The following CLIP4 variants were observed in gnomAD, a reference collection of about 807,000 sequenced individuals.
CLIP4 encodes CAP-Gly domain-containing linker protein 4.
A neutral mutation model predicts 73.1 loss-of-function variants in CLIP4; 47 were observed. The ratio of observed to expected loss-of-function variants is 0.64; its 90% CI spans 0.51 to 0.82. The LOEUF (loss-of-function observed/expected upper bound fraction) is 0.82. Ranked by LOEUF, CLIP4 falls within the 40% of genes least tolerant of loss-of-function variation. CLIP4 has a pLI of 0.00. For synonymous variants in CLIP4, 306 were observed against 295.4 expected (o/e 1.04, Z -0.37); for missense variants, 874 against 852.9 (o/e 1.02, Z -0.31).
At chr2:29,177,570 C>A (rs1411118918) in intron 15 of CLIP4, among the ~76,000 whole-genome samples, 1 of 151,678 alleles carries the variant, frequency 6.6e-6, no homozygotes, top group Non-Finnish European at 1.5e-5. Context: ...GACAGCAAGA[C>A]TCTGTTTCAA....
Position 29,181,836 on chromosome 2 carries a change from G to T in CLIP4, c.2061G>T (p.Pro687=). ...CGAACCATGGAGTCTTAGTTCGACC[G>T]AGCAGAGTGACCTATCGGGGAATTA... The part of the protein sequence containing the change: ...CKPNHGVLVR[P]SRVTYRGING... Residue 687 remains proline, a synonymous_variant, in exon 16 of 16, where the codon CCG becomes CCT. Transcript: ENST00000320081. The T allele has an allele frequency of 6.2e-7, 1 of 1,614,114 alleles. No homozygotes were observed. The highest frequency in any genetic ancestry group is 8.5e-7 in the Non-Finnish European group (1 of 1,179,976).
At chr2:29,131,891 G>T in intron 3 of CLIP4, 1 of 422,614 alleles carries the variant, frequency 2.4e-6, no homozygotes, top group Non-Finnish European at 4.2e-6. Flanking sequence ...GCTCATTTTT[G>T]AGAGGAACAT....
At chr2:29,108,473 G>A (rs1430102184) in intron 1 of CLIP4, among the ~76,000 whole-genome samples, 1 of 152,088 alleles carries the variant, frequency 6.6e-6, no homozygotes, top group Non-Finnish European at 1.5e-5. Flanking sequence ...TACTCAGAAT[G>A]GTGTGCAATT....
intron 1 of CLIP4, among the ~76,000 whole-genome samples, chr2:29,105,208 G>C (rs971131135): frequency 2.0e-5 from 3 of 152,156 alleles, no homozygotes; most frequent in Non-Finnish European, 4.4e-5. Context: ...ATGCCGGTTG[G>C]TGTTGAGCAC....
chr2:29,143,214 G>A (rs187552009), intron 6 of CLIP4, among the ~76,000 whole-genome samples: 3 of 152,206 alleles, frequency 2.0e-5, no homozygotes, highest in Admixed American at 1.3e-4. Context: ...CTCCGTTTAG[G>A]ACCTGAGCAC....
chr2:29,161,077 C>T (rs537955498), intron 12 of CLIP4, among the ~76,000 whole-genome samples: 25 of 152,234 alleles, frequency 1.6e-4, no homozygotes, highest in East Asian at 1.2e-3. Flanking sequence ...TGGGTTCAAG[C>T]GGTTCTCCTG....
intron 1 of CLIP4, among the ~76,000 whole-genome samples, chr2:29,108,062 A>G (rs1277709856): frequency 6.6e-6 from 1 of 152,060 alleles, no homozygotes; most frequent in Non-Finnish European, 1.5e-5. Flanking sequence ...AAAGAATAAT[A>G]TACAGTAGTT....
chr2:29,136,257 G>A (rs1027990432), intron 6 of CLIP4, among the ~76,000 whole-genome samples: 6 of 151,602 alleles, frequency 4.0e-5, no homozygotes, highest in Admixed American at 1.3e-4. Context: ...GCTCTGGCAG[G>A]TATTCTTAAT....
chr2:29,149,674 G>C (rs1666415442), intron 8 of CLIP4, among the ~76,000 whole-genome samples: 1 of 150,358 alleles, frequency 6.7e-6, no homozygotes, highest in Admixed American at 6.6e-5. Flanking sequence ...CATATGCTAT[G>C]CATCCAGTCA....
chr2:29,102,297 T>C (rs1269736333), intron 1 of CLIP4, among the ~76,000 whole-genome samples: 1 of 152,310 alleles, frequency 6.6e-6, no homozygotes, highest in East Asian at 1.9e-4. Context: ...ATTCAGGTCA[T>C]CAATGAGACT....
chr2:29,163,891 G>A lies in CLIP4; in HGVS notation c.1595G>A (p.Gly532Asp). 1.2e-6 allele frequency: 2 copies of A among 1,613,498 alleles called. No homozygotes were observed. Among genetic ancestry groups the A allele is most frequent in the Non-Finnish European group, 1.7e-6 (2 of 1,179,450 alleles). The change falls in exon 13 of 16, where the codon GGT becomes GAT. Residue 532 changes from glycine (G) to aspartate (D), a missense_variant. Gly to Asp is a moderately conservative substitution (Grantham distance 94, BLOSUM62 -1). Transcript: ENST00000320081. ...GGCAAGAATGATGGTTCAGTTGGAG[G>A]TGTGCAGTATTTTAGCTGTTCTCCA... ...PHGKNDGSVG[G>D]VQYFSCSPRY...
At chr2:29,099,352 C>T (rs936647362) in intron 1 of CLIP4, among the ~76,000 whole-genome samples, 12 of 152,144 alleles carry the variant, frequency 7.9e-5, no homozygotes, top group African/African-American at 2.7e-4. Flanking sequence ...ACGTTTATGT[C>T]CACGATCCAT....
Position 29,181,566 on chromosome 2 carries a change from G to C in CLIP4, c.1797-6G>C, listed in dbSNP as rs200936509. 13 of 1,596,178 alleles carry C rather than the reference G, an allele frequency of 8.1e-6. No individual in the cohort carries two copies. In the East Asian group the frequency reaches 2.9e-4, roughly 36 times the overall value. On this transcript the variant is annotated splice_polypyrimidine_tract_variant and splice_region_variant and intron_variant, in intron 15 of 15. Transcript: ENST00000320081. ...ATAATTTTTCCCACTTTTCCCTTCC[G>C]CACAGATCGAAAGCTGCTTTGCGTC...
At chr2:29,148,208 AC>A (rs1282400763) in intron 8 of CLIP4, among the ~76,000 whole-genome samples, 1 of 152,214 alleles carries the variant, frequency 6.6e-6, no homozygotes, top group Non-Finnish European at 1.5e-5. Context: ...CGGCTAAGCT[AC>A]TTAAGGTGGA....
chr2:29,142,485 T>A (rs1386260996), intron 6 of CLIP4, among the ~76,000 whole-genome samples: 1 of 152,172 alleles, frequency 6.6e-6, no homozygotes, highest in Non-Finnish European at 1.5e-5. Context: ...CCTATTTTTC[T>A]CTCTCTGTTT....
At chr2:29,130,202 G>C (rs1664876952) in intron 2 of CLIP4, among the ~76,000 whole-genome samples, 1 of 152,140 alleles carries the variant, frequency 6.6e-6, no homozygotes, top group African/African-American at 2.4e-5. Flanking sequence ...TACTGGCCTT[G>C]GGGCTTCACA....
intron 8 of CLIP4, among the ~76,000 whole-genome samples, chr2:29,146,727 C>A (rs528474392): frequency 2.2e-4 from 34 of 152,174 alleles, no homozygotes; most frequent in Non-Finnish European, 4.3e-4. Flanking sequence ...TTGTGTGATT[C>A]GATTTCTTTA....
chr2:29,120,826 A>T (rs1380414426), intron 1 of CLIP4, among the ~76,000 whole-genome samples: 1 of 152,182 alleles, frequency 6.6e-6, no homozygotes, highest in African/African-American at 2.4e-5. Context: ...TAGAACTCAC[A>T]TACCTCGGAC....
At chr2:29,156,220 CTGT>C (rs1666913798) in intron 9 of CLIP4, 131 bp from the exon 10 acceptor site, 4 of 575,868 alleles carry the variant, frequency 6.9e-6, no homozygotes, top group East Asian at 3.2e-5. Flanking sequence ...CCTCATATGT[CTGT>C]GCAGTTGTTA....
Sources: gnomAD v4.1 joint callset for allele counts (sites outside exome capture counted in the v4.1 genomes callset) on GRCh38, gnomAD v4.1.1 for gene constraint, MANE v1.5 for transcripts, NCBI Gene and HGNC (gene_info 2026-07-23, HGNC 2026-07-21) for gene names.